MEGF11: variants seen among roughly 807,000 people sequenced by gnomAD.
MEGF11 encodes the protein multiple epidermal growth factor-like domains protein 11.
Under a neutral mutation model 146.6 loss-of-function variants are expected in MEGF11, and 126 were observed. The observed-to-expected ratio is 0.86, with a 90% CI of 0.74 to 1.00. The LOEUF (loss-of-function observed/expected upper bound fraction) is 1.00, where lower values mean the gene tolerates loss of function less well. Ranked by LOEUF, MEGF11 falls within the 50% of genes least tolerant of loss-of-function variation. The pLI, the probability that MEGF11 is intolerant of heterozygous loss-of-function variation, is 0.00. For synonymous variants in MEGF11, 532 were observed against 583.4 expected (o/e 0.91, Z 1.27); for missense variants, 1,509 against 1,521.2 (o/e 0.99, Z 0.13).
At chr15:66,159,888 T>A (rs2089890469) in intron 1 of MEGF11, among the ~76,000 whole-genome samples, 1 of 152,102 alleles carries the variant, frequency 6.6e-6, no homozygotes, top group South Asian at 2.1e-4. Context: ...ACAACCCACA[T>A]GAGCTCTCTG....
At chr15:66,078,852 T>C (rs1463659522) in intron 5 of MEGF11, among the ~76,000 whole-genome samples, 1 of 152,156 alleles carries the variant, frequency 6.6e-6, no homozygotes, top group African/African-American at 2.4e-5. Context: ...TGTGTGTCAT[T>C]TATTTATTCA....
At chr15:65,986,262 T>C (rs1208656511) in intron 5 of MEGF11, among the ~76,000 whole-genome samples, 1 of 152,090 alleles carries the variant, frequency 6.6e-6, no homozygotes, top group Admixed American at 6.5e-5. Flanking sequence ...TTTATGGGGC[T>C]CCTAAAAAGT....
chr15:66,062,123 G>A (rs1370960914), intron 5 of MEGF11, among the ~76,000 whole-genome samples: 1 of 152,188 alleles, frequency 6.6e-6, no homozygotes, highest in Non-Finnish European at 1.5e-5. Context: ...TCTGATATAT[G>A]AGCAATCAAA....
intron 5 of MEGF11, among the ~76,000 whole-genome samples, chr15:66,022,403 T>C (rs1414350307): frequency 6.6e-6 from 1 of 152,224 alleles, no homozygotes; most frequent in Non-Finnish European, 1.5e-5. Flanking sequence ...TTTTTAAGAA[T>C]CTGATGAAAA....
intron 5 of MEGF11, among the ~76,000 whole-genome samples, chr15:66,049,488 C>T (rs917630371): frequency 2.6e-5 from 4 of 152,122 alleles, no homozygotes; most frequent in Non-Finnish European, 4.4e-5. Context: ...ATCTGCAGGC[C>T]AAGTGCCGCA....
chr15:66,017,984 T>C (rs1181041017), intron 5 of MEGF11, among the ~76,000 whole-genome samples: 3 of 152,144 alleles, frequency 2.0e-5, no homozygotes, highest in African/African-American at 7.2e-5. Context: ...TTGTCACACT[T>C]CAGGGAAGGA....
At chr15:65,955,793 T>TACACACACACACAC (rs67353441) in intron 10 of MEGF11, among the ~76,000 whole-genome samples, 216 of 6,740 alleles carry the variant, frequency 0.032, 19 homozygotes, top group Non-Finnish European at 0.064. Flanking sequence ...TATATATATA[T>TACACACACACACAC]ACACACACAC....
At chr15:66,145,416 A>G (rs565185818) in intron 1 of MEGF11, among the ~76,000 whole-genome samples, 1 of 152,308 alleles carries the variant, frequency 6.6e-6, no homozygotes, top group East Asian at 1.9e-4. Context: ...TCTGTGAGAC[A>G]TGACATAACG....
chr15:65,900,238 ATC>A (rs1295442690), intron 24 of MEGF11, among the ~76,000 whole-genome samples: 1 of 152,240 alleles, frequency 6.6e-6, no homozygotes, highest in Non-Finnish European at 1.5e-5. Flanking sequence ...TTCTTGGATG[ATC>A]TGTCACTAGA....
At chr15:66,209,266 C>T (rs991610157) in intron 1 of MEGF11, among the ~76,000 whole-genome samples, 1 of 151,780 alleles carries the variant, frequency 6.6e-6, no homozygotes, top group Non-Finnish European at 1.5e-5. Flanking sequence ...AAGAGAATGG[C>T]GTGAACCCAG....
At chr15:66,199,810 A>T (rs560795902) in intron 1 of MEGF11, among the ~76,000 whole-genome samples, 1 of 152,224 alleles carries the variant, frequency 6.6e-6, no homozygotes, top group South Asian at 2.1e-4. Context: ...ACAAACAAAC[A>T]AAAAAAGATA....
rs570891670 is a variant in MEGF11, at chr15:65,914,689, A to G, written c.2474-716T>C. Among the ~76,000 whole-genome samples the G allele has an allele frequency of 3.8e-4, 58 of 152,276 alleles. 1 individual carries two copies. Among genetic ancestry groups the G allele is most frequent in the Non-Finnish European group, 4.0e-4 (27 of 68,006 alleles). On this transcript the variant is annotated intron_variant, in intron 19 of 25. Transcript: ENST00000395614. ...GCTGCTGGCTGAACTGAGCTGGCCA[A>G]CATCACTAGGGAGGTAAATGTGCTG...
At chr15:66,128,845 C>A (rs2088515332) in intron 1 of MEGF11, among the ~76,000 whole-genome samples, 1 of 152,174 alleles carries the variant, frequency 6.6e-6, no homozygotes, top group Non-Finnish European at 1.5e-5. Flanking sequence ...CTTCCTTTCC[C>A]TACTCCCTCC....
chr15:66,040,423 T>G (rs1458010596), intron 5 of MEGF11: 1 of 153,060 alleles, frequency 6.5e-6, no homozygotes, highest in Non-Finnish European at 1.5e-5. Flanking sequence ...GTTTCACTAA[T>G]GCAATCCCGG....
intron 1 of MEGF11, among the ~76,000 whole-genome samples, chr15:66,149,367 C>A (rs150966757): frequency 2.1e-3 from 313 of 152,338 alleles, no homozygotes; most frequent in African/African-American, 7.3e-3. Context: ...CCCTTGGTTT[C>A]CACCTGCAAA....
chr15:66,218,425 G>A (rs1241651381), intron 1 of MEGF11, among the ~76,000 whole-genome samples: 1 of 152,118 alleles, frequency 6.6e-6, no homozygotes, highest in Non-Finnish European at 1.5e-5. Flanking sequence ...AGCTAAGGAA[G>A]AGACCCCTGC....
At chr15:66,137,555 C>CTTTCTTT (rs1555475355) in intron 1 of MEGF11, among the ~76,000 whole-genome samples, 1 of 102,770 alleles carries the variant, frequency 9.7e-6, no homozygotes, top group Non-Finnish European at 2.2e-5. Flanking sequence ...GGGTGACTTT[C>CTTTCTTT]TTTCTTTTTT....
chr15:66,096,014 C>G (rs1036767571), intron 4 of MEGF11, among the ~76,000 whole-genome samples: 2 of 152,206 alleles, frequency 1.3e-5, no homozygotes, highest in African/African-American at 2.4e-5. Context: ...CCTGTTCTCA[C>G]TGGACTTTCC....
intron 1 of MEGF11, among the ~76,000 whole-genome samples, chr15:66,134,326 C>T (rs895199931): frequency 6.6e-6 from 1 of 152,196 alleles, no homozygotes; most frequent in Non-Finnish European, 1.5e-5. Context: ...TCCAGCCCCT[C>T]GAAGATGAAG....
Sources: gnomAD v4.1 joint callset for allele counts (sites outside exome capture counted in the v4.1 genomes callset) on GRCh38, gnomAD v4.1.1 for gene constraint, MANE v1.5 for transcripts, NCBI Gene and HGNC (gene_info 2026-07-23, HGNC 2026-07-21) for gene names.